MYH10: variants seen among roughly 807,000 people sequenced by gnomAD.
MYH10 encodes myosin-10.
In MYH10, 55 loss-of-function variants were observed where a neutral mutation model predicts 257.8. The ratio of observed to expected loss-of-function variants is 0.21; its 90% CI spans 0.17 to 0.27. The LOEUF is 0.27. MYH10 is among the 10% of genes least tolerant of loss of function. The pLI, the probability that MYH10 is intolerant of heterozygous loss-of-function variation, is 1.00. For missense variants in MYH10, 1,631 were observed against 2,500.6 expected (o/e 0.65, Z 7.42); for synonymous variants, 854 against 921.7 (o/e 0.93, Z 1.33).
intron 7 of MYH10, among the ~76,000 whole-genome samples, chr17:8,558,875 C>T (rs1200424154): frequency 6.6e-6 from 1 of 152,196 alleles, no homozygotes; most frequent in Admixed American, 6.5e-5. Flanking sequence ...TTCCTTCTAA[C>T]AATTTTCACA....
chr17:8,628,961 T>C (rs1383052639), intron 1 of MYH10, among the ~76,000 whole-genome samples: 1 of 152,172 alleles, frequency 6.6e-6, no homozygotes, highest in Non-Finnish European at 1.5e-5. Context: ...ATCGCACAAT[T>C]ACACCATATG....
chr17:8,483,919 GA>G (rs1385063959), intron 37 of MYH10, among the ~76,000 whole-genome samples: 2 of 152,178 alleles, frequency 1.3e-5, no homozygotes, highest in Admixed American at 1.3e-4. Context: ...CCAGGTAGAG[GA>G]ATATATGTGA....
chr17:8,487,730 C>A, intron 35 of MYH10, 136 bp from the exon 36 acceptor site: 1 of 984,662 alleles, frequency 1.0e-6, no homozygotes, highest in Non-Finnish European at 1.5e-6. Context: ...TCTCTGTTAC[C>A]AAACAGTTAC....
At chr17:8,576,386 T>G (rs949690144) in intron 6 of MYH10, among the ~76,000 whole-genome samples, 6 of 152,194 alleles carry the variant, frequency 3.9e-5, no homozygotes, top group Non-Finnish European at 7.3e-5. Flanking sequence ...ATTTATAGGC[T>G]TCATAAACAT....
intron 40 of MYH10, 76 bp downstream of exon 40, chr17:8,480,034 G>T: frequency 7.3e-7 from 1 of 1,374,438 alleles, no homozygotes; most frequent in Non-Finnish European, 1.0e-6. Flanking sequence ...GAGCCCCCCC[G>T]AAAGGGGCAT....
intron 4 of MYH10, among the ~76,000 whole-genome samples, chr17:8,585,382 T>C (rs867021514): frequency 1.7e-4 from 26 of 148,922 alleles, no homozygotes; most frequent in South Asian, 1.5e-3. Flanking sequence ...TTATTTAACA[T>C]GAGCATGGGG....
intron 14 of MYH10, among the ~76,000 whole-genome samples, chr17:8,541,821 A>G (rs750976112): frequency 3.9e-5 from 6 of 152,172 alleles, no homozygotes; most frequent in Non-Finnish European, 7.3e-5. Context: ...ATGCCAGCGC[A>G]CAGGGCCATC....
intron 2 of MYH10, 35 bp from the exon 3 acceptor site, chr17:8,605,017 A>C: frequency 8.3e-7 from 1 of 1,209,626 alleles, no homozygotes; most frequent in Non-Finnish European, 1.1e-6. Context: ...TTAAAAAAAA[A>C]ACCTCTGCAT....
chr17:8,596,485 T>C (rs145643087), intron 3 of MYH10, among the ~76,000 whole-genome samples: 85 of 152,302 alleles, frequency 5.6e-4, no homozygotes, highest in African/African-American at 1.9e-3. Context: ...TCCTTGATGT[T>C]TCTTTTATAG....
At chr17:8,585,288 G>GTGTATATATA (rs1282490980) in intron 4 of MYH10, among the ~76,000 whole-genome samples, 43 of 99,328 alleles carry the variant, frequency 4.3e-4, no homozygotes, top group Non-Finnish European at 7.8e-4. Context: ...GTGTGTGTGT[G>GTGTATATATA]TATATATATA....
intron 23 of MYH10, among the ~76,000 whole-genome samples, chr17:8,512,910 A>G (rs2081346130): frequency 6.6e-6 from 1 of 152,248 alleles, no homozygotes; most frequent in Non-Finnish European, 1.5e-5. Flanking sequence ...CTATGAAGGT[A>G]ATTTACAAGG....
At chr17:8,604,058 A>G (rs909798537) in intron 3 of MYH10, among the ~76,000 whole-genome samples, 1 of 152,224 alleles carries the variant, frequency 6.6e-6, no homozygotes, top group African/African-American at 2.4e-5. Flanking sequence ...GGTGCAGCAC[A>G]GCCCGTTTTC....
intron 6 of MYH10, among the ~76,000 whole-genome samples, chr17:8,575,064 AC>A (rs2152015206): frequency 6.6e-6 from 1 of 152,358 alleles, no homozygotes; most frequent in South Asian, 2.1e-4. Flanking sequence ...GATTGTGTGC[AC>A]AGTGGACACA....
chr17:8,556,695 C>T (rs1314696173), intron 7 of MYH10, among the ~76,000 whole-genome samples: 1 of 152,176 alleles, frequency 6.6e-6, no homozygotes, highest in Non-Finnish European at 1.5e-5. Flanking sequence ...GCATGGTGCT[C>T]ACTACACTAC....
chr17:8,581,559 G>A (rs1244748759), intron 4 of MYH10, among the ~76,000 whole-genome samples: 1 of 151,860 alleles, frequency 6.6e-6, no homozygotes, highest in African/African-American at 2.4e-5. Flanking sequence ...TACATATTTC[G>A]GGTCTAAGGT....
intron 36 of MYH10, among the ~76,000 whole-genome samples, chr17:8,486,131 TAG>T (rs1165162357): frequency 6.6e-6 from 1 of 152,156 alleles, no homozygotes; most frequent in African/African-American, 2.4e-5. Context: ...GGCAAATTTA[TAG>T]AGACTGAAAG....
intron 14 of MYH10, 90 bp downstream of exon 14, chr17:8,542,017 C>CAG: frequency 7.8e-7 from 1 of 1,290,120 alleles, no homozygotes; most frequent in South Asian, 1.8e-5. Context: ...CACCACTGAA[C>CAG]AGACTGGGTA....
chr17:8,512,870 A>G (rs951079888), intron 23 of MYH10, among the ~76,000 whole-genome samples: 5 of 152,222 alleles, frequency 3.3e-5, no homozygotes, highest in Non-Finnish European at 7.3e-5. Context: ...GTTACTGTGA[A>G]TAATACATAT....
chr17:8,560,234 G>A (rs961944640), intron 7 of MYH10, among the ~76,000 whole-genome samples: 2 of 151,824 alleles, frequency 1.3e-5, no homozygotes, highest in African/African-American at 2.4e-5. Context: ...TTAGAAGTTT[G>A]AAATTCATCA....
Sources: gnomAD v4.1 joint callset for allele counts (sites outside exome capture counted in the v4.1 genomes callset) on GRCh38, gnomAD v4.1.1 for gene constraint, MANE v1.5 for transcripts, NCBI Gene and HGNC (gene_info 2026-07-23, HGNC 2026-07-21) for gene names.